The following KAT6B variants were observed in gnomAD, a reference collection of about 807,000 sequenced individuals.
The protein encoded by KAT6B is histone acetyltransferase KAT6B.
Under a neutral mutation model 187.5 loss-of-function variants are expected in KAT6B, and 10 were observed. The ratio of observed to expected loss-of-function variants is 0.05; its 90% confidence interval spans 0.03 to 0.09. The LOEUF is 0.09. Ranked by LOEUF, KAT6B falls within the 10% of genes least tolerant of loss-of-function variation. KAT6B has a pLI of 1.00. For synonymous variants in KAT6B, 861 were observed against 926.8 expected, an observed-to-expected ratio of 0.93 and a Z score of 1.29; for missense variants, 1,952 against 2,558.9, an observed-to-expected ratio of 0.76 and a Z score of 5.12.
At chr10:74,955,053 A>G (rs1420025325) in intron 3 of KAT6B, among the ~76,000 whole-genome samples, 2 of 152,294 alleles carry the variant, frequency 1.3e-5, no homozygotes, top group Admixed American at 1.3e-4. Context: ...ACTGATACCA[A>G]ATTCCATGGA....
In KAT6B at chr10:75,021,914, G is replaced by A. The variant is rs773063512; in HGVS notation, c.3055G>A (p.Glu1019Lys). ...ERLMEQASCW[E>K]KEEQEILSTR... ...GCTAATGGAACAAGCTAGCTGCTGG[G>A]AGAAGGAGGAACAAGAAATCCTGTC... is the stretch of plus-strand genomic sequence containing the variant. The change falls in exon 16 of 18, where the codon GAG becomes AAG. Residue 1019 changes from glutamate (E) to lysine (K), a missense_variant. Coordinates refer to ENST00000287239, the MANE Select transcript of KAT6B (RefSeq NM_012330.4). The A allele has an allele frequency of 6.2e-7, 1 of 1,614,204 alleles. No homozygotes were observed. The highest frequency in any genetic ancestry group is 2.2e-5 in the East Asian group (1 of 44,888).
At chr10:74,874,537 C>A (rs1448022721) in intron 3 of KAT6B, among the ~76,000 whole-genome samples, 1 of 152,094 alleles carries the variant, frequency 6.6e-6, no homozygotes, top group Non-Finnish European at 1.5e-5. Context: ...CGCCACCACA[C>A]CCAGCTAATT....
intron 3 of KAT6B, among the ~76,000 whole-genome samples, chr10:74,958,777 C>T (rs185462234): frequency 3.9e-5 from 6 of 152,154 alleles, no homozygotes; most frequent in Admixed American, 3.3e-4. Context: ...CGGTGGCTCA[C>T]GCCTGTAATC....
At chr10:74,947,159 G>T (rs1172409891) in intron 3 of KAT6B, among the ~76,000 whole-genome samples, 1 of 152,070 alleles carries the variant, frequency 6.6e-6, no homozygotes, top group Admixed American at 6.5e-5. Flanking sequence ...ACCACGCCCA[G>T]CTAATTTTTG....
At chr10:74,905,493 T>C (rs1846690845) in intron 3 of KAT6B, among the ~76,000 whole-genome samples, 1 of 152,128 alleles carries the variant, frequency 6.6e-6, no homozygotes, top group African/African-American at 2.4e-5. Flanking sequence ...TCTGCTGCCT[T>C]TTGCTCCTTT....
At chr10:74,929,588 C>A (rs775343395) in intron 3 of KAT6B, among the ~76,000 whole-genome samples, 2 of 152,104 alleles carry the variant, frequency 1.3e-5, no homozygotes. Flanking sequence ...AACCAAGGAA[C>A]CATCAGTTGG....
chr10:74,959,787 T>G (rs1840961787), intron 3 of KAT6B, among the ~76,000 whole-genome samples, 183 bp from the exon 4 acceptor site: 1 of 152,244 alleles, frequency 6.6e-6, no homozygotes, highest in Non-Finnish European at 1.5e-5. Context: ...AGACTTCGTC[T>G]CAAAAATAAT....
intron 4 of KAT6B, among the ~76,000 whole-genome samples, chr10:74,964,322 A>G (rs1841310172): frequency 1.3e-5 from 2 of 152,202 alleles, no homozygotes; most frequent in Admixed American, 1.3e-4. Flanking sequence ...GTGTTTATCA[A>G]AATCTAATTG....
At chr10:74,873,713 T>C (rs1440894633) in intron 3 of KAT6B, among the ~76,000 whole-genome samples, 1 of 150,832 alleles carries the variant, frequency 6.6e-6, no homozygotes, top group Non-Finnish European at 1.5e-5. Flanking sequence ...GAGAGGGAGG[T>C]AGATGTTCCC....
chr10:75,003,611 A>G lies in KAT6B; in HGVS notation c.2629+14499A>G, dbSNP rs16931918. ...GTATAATGATGACATTTATTTTAATAGGATTCTAGTCTGTAATATAATAAG... is the reference window on the plus strand; with the variant it reads ...GTATAATGATGACATTTATTTTAATGGGATTCTAGTCTGTAATATAATAAG... On this transcript the variant is annotated intron_variant, in intron 13 of 17. Transcript: ENST00000287239. Among the ~76,000 whole-genome samples the G allele has an allele frequency of 7.9e-3, 1,201 of 152,308 alleles. 16 individuals are homozygous for G. Among genetic ancestry groups the G allele is most frequent in the Admixed American group, 0.026 (395 of 15,292 alleles).
At chr10:75,006,538 C>T in intron 13 of KAT6B, among the ~76,000 whole-genome samples, 1 of 152,140 alleles carries the variant, frequency 6.6e-6, no homozygotes, top group Non-Finnish European at 1.5e-5. Flanking sequence ...GCAGCCTCAC[C>T]TCCTAGACTC....
rs765976563 is a variant in KAT6B at position 75,022,066 on chromosome 10, TGAA to T, written c.3216_3218del (p.Glu1076del). 13 of 1,610,870 alleles carry T rather than the reference TGAA, an allele frequency of 8.1e-6. No homozygotes were observed. The Admixed American group carries it at 8.4e-5, about 10-fold the overall frequency. ...TGCTGGAGCTGTCTAAAGAGAGCAG[TGAA>T]GAAGAAGAGGAGGAGGAGGACGAGG... On this transcript the variant is annotated inframe_deletion, in exon 16 of 18. Transcript: ENST00000287239.
chr10:74,927,784 C>T lies in KAT6B; in HGVS notation c.622-32186C>T, dbSNP rs113002332. ...TGGCAATTTCCTCAGTGATCCTTGC[C>T]CTTGAACCCTATCTCCTCCAGCCTA... On this transcript the variant is annotated intron_variant, in intron 3 of 17. Coordinates refer to ENST00000287239, the MANE Select transcript of KAT6B (RefSeq NM_012330.4). Among the ~76,000 whole-genome samples, 144 of 152,182 alleles carry T rather than the reference C, an allele frequency of 9.5e-4. 2 individuals carry two copies. Among genetic ancestry groups the T allele is most frequent in the African/African-American group, 3.3e-3 (137 of 41,512 alleles).
Position 74,979,323 on chromosome 10 carries a change from C to G in KAT6B, c.2215C>G (p.Pro739Ala). Reference sequence around the variant, plus strand: ...CCAAACCTGGTACTCCTCGCCTTACCCACAGGAATATGCAAGGTAATGGAA... The same window carrying G: ...CCAAACCTGGTACTCCTCGCCTTACGCACAGGAATATGCAAGGTAATGGAA... Reference protein sequence around the residue: ...EIQTWYSSPYPQEYARLPKLY... With the variant: ...EIQTWYSSPYAQEYARLPKLY... Residue 739 changes from proline to alanine, a missense_variant, in exon 10 of 18, where the codon CCA becomes GCA. Pro to Ala is a conservative substitution (Grantham distance 27). Around this residue, in one of 9 missense-constraint regions of KAT6B, gnomAD observed 87 missense variants for 191.8 expected, o/e 0.45. Coordinates refer to ENST00000287239, the MANE Select transcript of KAT6B (RefSeq NM_012330.4). 1 of 1,609,420 alleles carries G rather than the reference C, an allele frequency of 6.2e-7. No homozygotes were observed. The highest frequency in any genetic ancestry group is 8.5e-7 in the Non-Finnish European group (1 of 1,175,896).
At chr10:74,845,578 T>C (rs1206641586) in intron 3 of KAT6B, among the ~76,000 whole-genome samples, 1 of 149,172 alleles carries the variant, frequency 6.7e-6, no homozygotes, top group Admixed American at 6.7e-5. Flanking sequence ...GTTTTATTCA[T>C]GGTTTACTGC....
At chr10:74,848,798 A>G (rs1270070987) in intron 3 of KAT6B, among the ~76,000 whole-genome samples, 1 of 152,144 alleles carries the variant, frequency 6.6e-6, no homozygotes, top group Admixed American at 6.5e-5. Flanking sequence ...CTGAACTTGG[A>G]TTCATATGTA....
intron 15 of KAT6B, among the ~76,000 whole-genome samples, 174 bp from the exon 16 acceptor site, chr10:75,021,707 G>A (rs1454961691): frequency 3.1e-4 from 47 of 152,182 alleles, no homozygotes; most frequent in Admixed American, 2.8e-3. Flanking sequence ...AATCTTCTTT[G>A]ATTTGTTATC....
In KAT6B at chr10:75,021,443, A is replaced by G. The variant is rs539612125; in HGVS notation, c.3021+158A>G. 2.0e-5 allele frequency among the ~76,000 whole-genome samples: 3 copies of G among 152,334 alleles called. No individual in the cohort carries two copies. In the South Asian group the frequency reaches 6.2e-4, roughly 32 times the overall value. On this transcript the variant is annotated intron_variant, in intron 15 of 17. Transcript: ENST00000287239. ...TTATCCTAACTGAGGTTGCATGGTAAGACATGATAATTTTATTGAATTGAG... is the reference window on the plus strand; with the variant it reads ...TTATCCTAACTGAGGTTGCATGGTAGGACATGATAATTTTATTGAATTGAG...
intron 12 of KAT6B, among the ~76,000 whole-genome samples, chr10:74,985,979 G>A (rs1842781625): frequency 6.6e-6 from 1 of 152,156 alleles, no homozygotes; most frequent in Non-Finnish European, 1.5e-5. Context: ...CTGGGAGGTG[G>A]AGGTTGCAGT....
Sources: gnomAD v4.1 joint callset for allele counts (sites outside exome capture counted in the v4.1 genomes callset) on GRCh38, gnomAD v4.1.1 for gene constraint, gnomAD v4.1.1 regional missense constraint, MANE v1.5 for transcripts, NCBI Gene and HGNC (gene_info 2026-07-23, HGNC 2026-07-21) for gene names.